The following MAP1LC3B2 variants were observed in gnomAD, a reference collection of about 807,000 sequenced individuals.
MAP1LC3B2 encodes the protein microtubule associated protein 1 light chain 3 beta 2, also known as microtubule-associated protein 1 light chain 3 beta 2.
For synonymous variants in MAP1LC3B2, 62 were observed against 57.8 expected, an observed-to-expected ratio of 1.07 and a Z score of -0.33; for missense variants, 155 against 154.6, an observed-to-expected ratio of 1.00 and a Z score of -0.01.
chr12:116,560,521 A>G lies in MAP1LC3B2; in HGVS notation c.-102+1088A>G, dbSNP rs991815247. Among the ~76,000 whole-genome samples the G allele has an allele frequency of 5.3e-5, 8 of 152,062 alleles. No homozygotes were observed. The East Asian group carries it at 9.7e-4, about 18-fold the overall frequency. On this transcript the variant is annotated intron_variant, in intron 1 of 1. Coordinates refer to ENST00000556529, the MANE Select transcript of MAP1LC3B2 (RefSeq NM_001085481.3). The stretch of plus-strand genomic sequence containing the variant: ...CTCGGCCTCCCAAAGTCTTGGGATT[A>G]CAGGTGTGAACCATCACATCTGGCC...
intron 1 of MAP1LC3B2, among the ~76,000 whole-genome samples, chr12:116,561,882 C>T (rs779801882): frequency 6.6e-6 from 1 of 152,248 alleles, no homozygotes; most frequent in Non-Finnish European, 1.5e-5. Context: ...CAGTGCTTTA[C>T]ACAAGTGTAG....
intron 1 of MAP1LC3B2, among the ~76,000 whole-genome samples, chr12:116,565,045 G>T (rs1869355244): frequency 6.6e-6 from 1 of 152,000 alleles, no homozygotes; most frequent in Non-Finnish European, 1.5e-5. Flanking sequence ...CCTTCATCAT[G>T]GCCAGAATCA....
intron 1 of MAP1LC3B2, among the ~76,000 whole-genome samples, chr12:116,564,744 G>T (rs964432414): frequency 6.6e-6 from 1 of 152,170 alleles, no homozygotes; most frequent in Non-Finnish European, 1.5e-5. Context: ...TCTTGCCTGG[G>T]ACTTTGCGTC....
rs35147598 is a variant in MAP1LC3B2, at chr12:116,571,965, C to CAAA, written c.-101-3868_-101-3866dup. Among the ~76,000 whole-genome samples the CAAA allele has an allele frequency of 5.5e-3, 751 of 136,952 alleles. 6 individuals carry two copies. The highest frequency in any genetic ancestry group is 0.019 in the African/African-American group (694 of 37,032). The allele number at this position is 136,952 out of a possible 152,430, so 89.8% of individuals were successfully genotyped here. A position where few individuals can be genotyped will look rare whatever the true frequency, so the allele number is the denominator to read the frequency against. ...TTGTTTTCTATAGCTATGACCGTTA[C>CAAA]AAAAAAAAAAAGGGTTAGGGAGAAA... On this transcript the variant is annotated intron_variant, in intron 1 of 1. Transcript: ENST00000556529.
chr12:116,561,668 A>G (rs1161512239), intron 1 of MAP1LC3B2, among the ~76,000 whole-genome samples: 2 of 152,180 alleles, frequency 1.3e-5, no homozygotes, highest in African/African-American at 2.4e-5. Context: ...GCCATTAGCC[A>G]TTCACTGAGG....
chr12:116,574,639 C>T (rs1456024529), intron 1 of MAP1LC3B2, among the ~76,000 whole-genome samples: 1 of 138,186 alleles, frequency 7.2e-6, no homozygotes, highest in African/African-American at 2.6e-5. Flanking sequence ...GAGCGAGACC[C>T]TGTCTCAAAA....
Position 116,559,404 on chromosome 12 carries a change from G to A in MAP1LC3B2, c.-131G>A, listed in dbSNP as rs572452352. The A allele has an allele frequency of 6.6e-6, 1 of 152,390 alleles. No homozygotes were observed. Among genetic ancestry groups the A allele is most frequent in the South Asian group, 2.1e-4 (1 of 4,830 alleles). The allele number at this position is 152,390 out of a possible 1,614,324, so 9.4% of individuals were successfully genotyped here. ...CCGCAAGGCTCGCAGCCACCTCTCG[G>A]GAGTGCAGGGCCAGATCCTGTGCCA... is the stretch of plus-strand genomic sequence containing the variant. On this transcript the variant is annotated 5_prime_UTR_variant, in exon 1 of 2. Coordinates refer to ENST00000556529, the MANE Select transcript of MAP1LC3B2 (RefSeq NM_001085481.3).
intron 1 of MAP1LC3B2, among the ~76,000 whole-genome samples, chr12:116,575,112 G>A (rs1450088620): frequency 2.6e-5 from 4 of 151,396 alleles, no homozygotes; most frequent in South Asian, 2.1e-4. Flanking sequence ...CCCAGAAGGC[G>A]GAGGTTGCGG....
At chr12:116,560,206 A>ATATATATATATATATATGTATGTATATG (rs1869222566) in intron 1 of MAP1LC3B2, 1 of 52,168 alleles carries the variant, frequency 1.9e-5, no homozygotes, top group Non-Finnish European at 3.6e-5. Flanking sequence ...ATATATATAT[A>ATATATATATATATATATGTATGTATATG]TATATATATA....
intron 1 of MAP1LC3B2, among the ~76,000 whole-genome samples, chr12:116,575,102 C>T (rs770430484): frequency 2.0e-5 from 3 of 151,398 alleles, no homozygotes; most frequent in Non-Finnish European, 4.4e-5. Flanking sequence ...ATCACTCCAA[C>T]CCAGAAGGCG....
At position 116,575,954 on chromosome 12, in the gene MAP1LC3B2, G is replaced by A; in HGVS notation, c.12G>A (p.Glu4=). 2 of 1,614,222 alleles carry A rather than the reference G, an allele frequency of 1.2e-6. No individual in the cohort carries two copies. MPS[E]KTFKQRRTFE... ...CAGATCCCCACACCATGCCGTCGGAGAAGACCTTCAAGCAGCGGCGCACCT... is the reference window on the plus strand; with the variant it reads ...CAGATCCCCACACCATGCCGTCGGAAAAGACCTTCAAGCAGCGGCGCACCT... Residue 4 remains glutamate, a synonymous_variant, in exon 2 of 2, where the codon GAG becomes GAA. Coordinates refer to ENST00000556529, the MANE Select transcript of MAP1LC3B2 (RefSeq NM_001085481.3).
intron 1 of MAP1LC3B2, 84 bp from the exon 2 acceptor site, chr12:116,575,758 T>G: frequency 1.5e-6 from 1 of 657,934 alleles, no homozygotes. Flanking sequence ...AAAGAACAGA[T>G]AGTAAATATA....
chr12:116,574,681 A>T (rs896902123), intron 1 of MAP1LC3B2, among the ~76,000 whole-genome samples: 1 of 151,506 alleles, frequency 6.6e-6, no homozygotes, highest in African/African-American at 2.4e-5. Context: ...ACAAACACAC[A>T]TACACATTTT....
chr12:116,572,211 C>T (rs1161444618), intron 1 of MAP1LC3B2, among the ~76,000 whole-genome samples: 1 of 152,200 alleles, frequency 6.6e-6, no homozygotes, highest in Non-Finnish European at 1.5e-5. Flanking sequence ...TTGCCAGAAG[C>T]AGCACGGGCA....
At chr12:116,565,443 C>T (rs1218587206) in intron 1 of MAP1LC3B2, among the ~76,000 whole-genome samples, 4 of 152,224 alleles carry the variant, frequency 2.6e-5, no homozygotes, top group African/African-American at 9.7e-5. Flanking sequence ...ACATCTTATT[C>T]ACTACCACGA....
At position 116,576,012 on chromosome 12, in the gene MAP1LC3B2, C is replaced by A. The variant is rs2136965474; in HGVS notation, c.70C>A (p.Arg24=). ...AAGAGTAGAAGATGTCCGACTTATTCGAGAGCAGCATCCAACCAAAATCCC... is the reference window on the plus strand; with the variant it reads ...AAGAGTAGAAGATGTCCGACTTATTAGAGAGCAGCATCCAACCAAAATCCC... ...EQRVEDVRLI[R]EQHPTKIPVI... The change falls in exon 2 of 2, where the codon CGA becomes AGA. Residue 24 remains arginine, a synonymous_variant. Coordinates refer to ENST00000556529, the MANE Select transcript of MAP1LC3B2 (RefSeq NM_001085481.3). The A allele has an allele frequency of 6.2e-7, 1 of 1,614,194 alleles. No individual in the cohort carries two copies. The highest frequency in any genetic ancestry group is 8.5e-7 in the Non-Finnish European group (1 of 1,180,034).
chr12:116,569,242 A>G (rs1278778312), intron 1 of MAP1LC3B2, among the ~76,000 whole-genome samples: 1 of 152,178 alleles, frequency 6.6e-6, no homozygotes, highest in Non-Finnish European at 1.5e-5. Context: ...AACACAGACT[A>G]AGACAATTGC....
chr12:116,560,220 ATATATATATATATATATATATG>A (rs1566022584), intron 1 of MAP1LC3B2: 5 of 76,644 alleles, frequency 6.5e-5, no homozygotes, highest in African/African-American at 1.4e-4. Flanking sequence ...ATATATATAT[ATATATATATATATATATATATG>A]TATGTATATG....
rs752954007 is a variant in MAP1LC3B2, at chr12:116,576,046, T to C, written c.104T>C (p.Ile35Thr). 9 of 1,614,064 alleles carry C rather than the reference T, an allele frequency of 5.6e-6. No individual in the cohort carries two copies. Among genetic ancestry groups the C allele is most frequent in the Middle Eastern group, 1.6e-4 (1 of 6,082 alleles). ...CATCCAACCAAAATCCCGGTGATAATAGAACGATACAAGGGTGAGAAGCAG... is the reference window on the plus strand; with the variant it reads ...CATCCAACCAAAATCCCGGTGATAACAGAACGATACAAGGGTGAGAAGCAG... ...EQHPTKIPVIIERYKGEKQLP... is the reference protein window; with the variant it reads ...EQHPTKIPVITERYKGEKQLP... The change falls in exon 2 of 2, where the codon ATA becomes ACA. Residue 35 changes from isoleucine (I) to threonine (T), a missense_variant. Transcript: ENST00000556529.
Sources: allele counts gnomAD v4.1 joint callset (sites outside exome capture counted in the v4.1 genomes callset), GRCh38; gene constraint gnomAD v4.1.1; transcripts MANE v1.5; gene names NCBI Gene and HGNC (gene_info 2026-07-23, HGNC 2026-07-21).